Variants in ZCWPW2 observed in about 807,000 individuals in gnomAD.
The protein encoded by ZCWPW2 is zinc finger CW-type PWWP domain protein 2.
ZCWPW2 carries 45 observed loss-of-function variants against 46.6 expected under a neutral mutation model. The observed-to-expected ratio is 0.96, with a 90% CI of 0.76 to 1.24. The LOEUF is 1.24. ZCWPW2 is among the 50% of genes most tolerant of loss of function. ZCWPW2 has a pLI of 0.00. For synonymous variants in ZCWPW2, 152 were observed against 137.1 expected, an observed-to-expected ratio of 1.11 and a Z score of -0.76; for missense variants, 429 against 403.9, an observed-to-expected ratio of 1.06 and a Z score of -0.53.
At chr3:28,367,697 C>G (rs1313746793) in intron 1 of ZCWPW2, among the ~76,000 whole-genome samples, 1 of 152,030 alleles carries the variant, frequency 6.6e-6, no homozygotes, top group African/African-American at 2.4e-5. Context: ...TCCTGGATAT[C>G]CTTTTTAACT....
At chr3:28,445,390 A>C (rs1447883043) in intron 4 of ZCWPW2, among the ~76,000 whole-genome samples, 1 of 152,038 alleles carries the variant, frequency 6.6e-6, no homozygotes, top group African/African-American at 2.4e-5. Flanking sequence ...ATAAAGATGA[A>C]ATTTCGTGAC....
intron 4 of ZCWPW2, among the ~76,000 whole-genome samples, chr3:28,451,983 G>T (rs12493720): frequency 0.22 from 32,947 of 152,102 alleles, 3,844 homozygotes; most frequent in Admixed American, 0.27. Flanking sequence ...GTGATTATTA[G>T]ATTCAACCTT....
intron 4 of ZCWPW2, among the ~76,000 whole-genome samples, chr3:28,463,512 T>C (rs572320553): frequency 1.3e-5 from 2 of 152,264 alleles, no homozygotes; most frequent in African/African-American, 4.8e-5. Flanking sequence ...ATTCTAAAAT[T>C]AATAGATATA....
chr3:28,379,996 T>A (rs1221811635), intron 1 of ZCWPW2, among the ~76,000 whole-genome samples: 1 of 152,128 alleles, frequency 6.6e-6, no homozygotes, highest in Admixed American at 6.5e-5. Context: ...AGTTTATGTA[T>A]TTTTGAGATG....
Position 28,349,084 on chromosome 3 carries a change from C to A in ZCWPW2, c.-253C>A. ...GGGAGGGCGTTAGCGAAGCCAGGTT[C>A]GGTCGTGGGGGTGGGGAAGTGCAGG... is the stretch of plus-strand genomic sequence containing the variant. On this transcript the variant is annotated 5_prime_UTR_variant, in exon 1 of 10. Coordinates refer to ENST00000383768, the MANE Select transcript of ZCWPW2 (RefSeq NM_001040432.4). 1 of 985,606 alleles carries A rather than the reference C, an allele frequency of 1.0e-6. No individual in the cohort carries two copies. Among genetic ancestry groups the A allele is most frequent in the African/African-American group, 1.7e-5 (1 of 57,342 alleles). 61.1% of individuals were successfully genotyped at this position (985,606 alleles called of 1,614,324 possible). A position where few individuals can be genotyped will look rare whatever the true frequency, so the allele number is the denominator to read the frequency against.
At chr3:28,429,981 T>C (rs151292874) in intron 3 of ZCWPW2, among the ~76,000 whole-genome samples, 1,811 of 152,278 alleles carry the variant, frequency 0.012, 40 homozygotes, top group African/African-American at 0.041. Flanking sequence ...ATGGAGAACC[T>C]CTGCTAGGAG....
intron 8 of ZCWPW2, among the ~76,000 whole-genome samples, chr3:28,518,405 T>C (rs1243761260): frequency 6.6e-6 from 1 of 152,106 alleles, no homozygotes; most frequent in African/African-American, 2.4e-5. Context: ...GATAACATAG[T>C]TTGTAGATTA....
At chr3:28,513,446 G>A (rs764967994) in intron 6 of ZCWPW2, among the ~76,000 whole-genome samples, 2 of 151,996 alleles carry the variant, frequency 1.3e-5, no homozygotes, top group Non-Finnish European at 2.9e-5. Context: ...GTCAGACTGC[G>A]TACTACCTTA....
chr3:28,482,527 T>TTTA (rs1699463529), intron 5 of ZCWPW2, among the ~76,000 whole-genome samples: 2 of 151,160 alleles, frequency 1.3e-5, no homozygotes, highest in African/African-American at 4.9e-5. Flanking sequence ...AGGAACACAA[T>TTTA]TGCTGATCAT....
chr3:28,520,008 AT>A (rs58068293), intron 8 of ZCWPW2, among the ~76,000 whole-genome samples: 3,885 of 123,498 alleles, frequency 0.031, 129 homozygotes, highest in African/African-American at 0.1. Context: ...TTTTTTGCCT[AT>A]TTTTTTTTTT....
At chr3:28,460,561 C>T (rs1350898476) in intron 4 of ZCWPW2, among the ~76,000 whole-genome samples, 5 of 152,128 alleles carry the variant, frequency 3.3e-5, no homozygotes, top group Non-Finnish European at 7.4e-5. Context: ...GCCAAGGAGG[C>T]TAACTAAATC....
intron 9 of ZCWPW2, 87 bp from the exon 10 acceptor site, chr3:28,524,440 G>C: frequency 7.2e-7 from 1 of 1,389,316 alleles, no homozygotes; most frequent in Non-Finnish European, 9.9e-7. Flanking sequence ...TGTAGCTAAT[G>C]TGGCTTGCAG....
chr3:28,467,929 C>G (rs1310120330), intron 4 of ZCWPW2, among the ~76,000 whole-genome samples: 1 of 152,082 alleles, frequency 6.6e-6, no homozygotes, highest in African/African-American at 2.4e-5. Context: ...TGAACATGCA[C>G]AAGCATCAAG....
rs200941418 is a variant in ZCWPW2, at chr3:28,435,275, T to C, written c.492+6T>C. The C allele has an allele frequency of 3.0e-4, 468 of 1,584,782 alleles. No homozygotes were observed. The highest frequency in any genetic ancestry group is 3.6e-4 in the Non-Finnish European group (424 of 1,170,210). ...ATTATAGTATCACATTAAAGGTAGG[T>C]ATCATAACATCAAAACTTTATTCTT... On this transcript the variant is annotated splice_donor_region_variant and intron_variant, in intron 4 of 9. Coordinates refer to ENST00000383768, the MANE Select transcript of ZCWPW2 (RefSeq NM_001040432.4).
intron 1 of ZCWPW2, among the ~76,000 whole-genome samples, chr3:28,383,044 A>G (rs2125711836): frequency 6.6e-6 from 1 of 152,312 alleles, no homozygotes; most frequent in African/African-American, 2.4e-5. Context: ...AATATTAATC[A>G]GGGCAGACTT....
intron 1 of ZCWPW2, among the ~76,000 whole-genome samples, chr3:28,369,160 G>A (rs948310390): frequency 3.9e-5 from 6 of 152,100 alleles, no homozygotes; most frequent in South Asian, 2.1e-4. Flanking sequence ...CTCTCAACTC[G>A]TCAAAGTCAT....
rs1189253692 is a variant in ZCWPW2 at position 28,470,744 on chromosome 3, G to GA, written c.493-8063dup. Among the ~76,000 whole-genome samples, 6 of 151,362 alleles carry GA rather than the reference G, an allele frequency of 4.0e-5. No individual in the cohort carries two copies. The East Asian group carries it at 5.8e-4, about 15-fold the overall frequency. On this transcript the variant is annotated intron_variant, in intron 4 of 9. Coordinates refer to ENST00000383768, the MANE Select transcript of ZCWPW2 (RefSeq NM_001040432.4). ...TGATTTTCTTTTACTCAAATTAGTA[G>GA]AAAAAAATAAATATTGAAGATGTAG...
At chr3:28,489,134 A>G (rs535311912) in intron 5 of ZCWPW2, among the ~76,000 whole-genome samples, 8 of 152,270 alleles carry the variant, frequency 5.3e-5, no homozygotes, top group East Asian at 1.9e-4. Context: ...GAAAATTTAC[A>G]TAAGAATGAG....
intron 1 of ZCWPW2, among the ~76,000 whole-genome samples, chr3:28,386,343 A>G (rs1354004211): frequency 6.6e-6 from 1 of 152,194 alleles, no homozygotes; most frequent in African/African-American, 2.4e-5. Flanking sequence ...CAGAAACAAA[A>G]TCAGCCAGAA....
Sources: gnomAD v4.1 joint callset for allele counts (sites outside exome capture counted in the v4.1 genomes callset) on GRCh38, gnomAD v4.1.1 for gene constraint, MANE v1.5 for transcripts, NCBI Gene and HGNC (gene_info 2026-07-23, HGNC 2026-07-21) for gene names.